FOXP2: variants seen among roughly 807,000 people sequenced by gnomAD.
FOXP2 encodes forkhead box P2, also known as forkhead box protein P2.
A neutral mutation model predicts 115.8 loss-of-function variants in FOXP2; 12 were observed. The ratio of observed to expected loss-of-function variants is 0.10; its 90% CI spans 0.07 to 0.17. FOXP2 has a LOEUF of 0.17. Ranked by LOEUF, FOXP2 falls within the 10% of genes least tolerant of loss-of-function variation. FOXP2 has a pLI of 1.00. For synonymous variants in FOXP2, 328 were observed against 297.7 expected (o/e 1.10, Z -1.05); for missense variants, 629 against 843.5 (o/e 0.75, Z 3.15).
intron 3 of FOXP2, among the ~76,000 whole-genome samples, chr7:114,576,996 G>A (rs73431507): frequency 0.2 from 29,592 of 151,658 alleles, 3,736 homozygotes; most frequent in African/African-American, 0.36. Flanking sequence ...ATAAAAGAGT[G>A]TGCATGTGTC....
chr7:114,407,724 G>A (rs1793068237), intron 2 of FOXP2, among the ~76,000 whole-genome samples: 1 of 152,056 alleles, frequency 6.6e-6, no homozygotes, highest in South Asian at 2.1e-4. Flanking sequence ...TATTTGAACA[G>A]TTTAGGTTTT....
intron 1 of FOXP2, among the ~76,000 whole-genome samples, chr7:114,149,130 A>C (rs1239272346): frequency 6.6e-6 from 1 of 152,110 alleles, no homozygotes; most frequent in Non-Finnish European, 1.5e-5. Flanking sequence ...AACTCTTTAA[A>C]TATCCTAATG....
intron 2 of FOXP2, among the ~76,000 whole-genome samples, chr7:114,448,080 A>G (rs954204421): frequency 1.5e-4 from 23 of 152,152 alleles, no homozygotes; most frequent in African/African-American, 5.6e-4. Flanking sequence ...CAACGTCCAT[A>G]TAGTATGTTT....
At chr7:114,351,439 G>A (rs1417037913) in intron 2 of FOXP2, among the ~76,000 whole-genome samples, 1 of 152,024 alleles carries the variant, frequency 6.6e-6, no homozygotes, top group Non-Finnish European at 1.5e-5. Context: ...CTTTGAATGT[G>A]CTATAAAGCA....
At chr7:114,139,895 C>G (rs920134716) in intron 1 of FOXP2, among the ~76,000 whole-genome samples, 1 of 151,908 alleles carries the variant, frequency 6.6e-6, no homozygotes, top group Non-Finnish European at 1.5e-5. Flanking sequence ...GGCGGATTGC[C>G]TGAGCTCAGG....
chr7:114,257,854 A>G (rs1795660902), intron 1 of FOXP2, among the ~76,000 whole-genome samples: 1 of 152,176 alleles, frequency 6.6e-6, no homozygotes, highest in African/African-American at 2.4e-5. Flanking sequence ...GCAAATGCAG[A>G]TTCCCTTACA....
intron 1 of FOXP2, among the ~76,000 whole-genome samples, chr7:114,104,210 T>C (rs1197229115): frequency 6.6e-6 from 1 of 151,954 alleles, no homozygotes; most frequent in African/African-American, 2.4e-5. Flanking sequence ...TACAGCCTAA[T>C]CTCTTTTAGA....
intron 1 of FOXP2, among the ~76,000 whole-genome samples, chr7:114,105,669 T>A (rs766695924): frequency 2.6e-5 from 4 of 152,010 alleles, no homozygotes; most frequent in Non-Finnish European, 5.9e-5. Context: ...CTCACATTAT[T>A]CTCTGAGGTG....
At position 114,221,264 on chromosome 7, in the gene FOXP2, GTTTAC is replaced by G. The variant is rs978067911; in HGVS notation, c.-102+58180_-102+58184del. Among the ~76,000 whole-genome samples, 17 of 152,120 alleles carry G rather than the reference GTTTAC, an allele frequency of 1.1e-4. No homozygotes were observed. In the South Asian group the frequency reaches 1.2e-3, roughly 11 times the overall value. On this transcript the variant is annotated intron_variant, in intron 1 of 17. Coordinates refer to the FOXP2 transcript ENST00000634411. ...AATATTCTTCATATGGGTAAAAACA[GTTTAC>G]TTTGTGGTTTTTTTATTTTATGACA...
chr7:114,369,728 A>T (rs555668076), intron 2 of FOXP2, among the ~76,000 whole-genome samples: 1 of 152,322 alleles, frequency 6.6e-6, no homozygotes, highest in East Asian at 1.9e-4. Flanking sequence ...CCTTTGTTTA[A>T]GCCCCTATCA....
intron 1 of FOXP2, among the ~76,000 whole-genome samples, chr7:114,257,432 T>C (rs1478434233): frequency 6.7e-6 from 1 of 149,466 alleles, no homozygotes; most frequent in Non-Finnish European, 1.5e-5. Flanking sequence ...TGTATGAAAG[T>C]CATTTTTTTC....
At chr7:114,118,580 G>A (rs911422679) in intron 1 of FOXP2, among the ~76,000 whole-genome samples, 3 of 151,536 alleles carry the variant, frequency 2.0e-5, no homozygotes, top group African/African-American at 7.3e-5. Context: ...ACATGTATAA[G>A]TTTAGTAGAA....
rs1223484752 is a variant in FOXP2 at position 114,224,260 on chromosome 7, C to T, written c.-102+61172C>T. Among the ~76,000 whole-genome samples, 3 of 151,846 alleles carry T rather than the reference C, an allele frequency of 2.0e-5. 1 individual carries two copies. The South Asian group carries it at 6.2e-4, about 32-fold the overall frequency. ...TGTCTTGGCTATTCCAAGGCTGTTG[C>T]TTTTTTATATGAATTTTACAATTAG... On this transcript the variant is annotated intron_variant, in intron 1 of 17. Transcript: ENST00000634411.
intron 2 of FOXP2, among the ~76,000 whole-genome samples, chr7:114,378,866 C>G (rs566567163): frequency 6.7e-6 from 1 of 148,444 alleles, no homozygotes; most frequent in African/African-American, 2.5e-5. Flanking sequence ...TTTAGATAAG[C>G]GTTTCTAACA....
intron 2 of FOXP2, among the ~76,000 whole-genome samples, chr7:114,496,871 CAT>C (rs1398626410): frequency 2.0e-5 from 3 of 152,024 alleles, no homozygotes; most frequent in Non-Finnish European, 4.4e-5. Context: ...TGTACTGTTT[CAT>C]ATTTATTTAC....
intron 2 of FOXP2, among the ~76,000 whole-genome samples, chr7:114,477,736 A>T (rs897824170): frequency 3.3e-5 from 5 of 151,960 alleles, no homozygotes; most frequent in Non-Finnish European, 4.4e-5. Flanking sequence ...GAAACTTGGT[A>T]ATAGATTGTA....
At chr7:114,144,427 G>A (rs925181474) in intron 1 of FOXP2, among the ~76,000 whole-genome samples, 29 of 152,048 alleles carry the variant, frequency 1.9e-4, no homozygotes, top group Non-Finnish European at 2.4e-4. Flanking sequence ...TTTAATAGTC[G>A]TTAGTATTAC....
chr7:114,172,382 A>C (rs2129153164), intron 1 of FOXP2, among the ~76,000 whole-genome samples: 1 of 152,292 alleles, frequency 6.6e-6, no homozygotes, highest in Admixed American at 6.5e-5. Flanking sequence ...AGAACACAGA[A>C]GATTTTTATG....
At chr7:114,258,058 A>G (rs573849610) in intron 1 of FOXP2, among the ~76,000 whole-genome samples, 7 of 152,200 alleles carry the variant, frequency 4.6e-5, no homozygotes, top group African/African-American at 9.6e-5. Flanking sequence ...GTTTTGAAAC[A>G]TGATCTTGTT....
Sources: gnomAD v4.1 joint callset for allele counts (sites outside exome capture counted in the v4.1 genomes callset) on GRCh38, gnomAD v4.1.1 for gene constraint, MANE v1.5 for transcripts, NCBI Gene and HGNC (gene_info 2026-07-23, HGNC 2026-07-21) for gene names.